The following CRTAC1 variants were observed in gnomAD, a reference collection of about 807,000 sequenced individuals.
CRTAC1 encodes cartilage acidic protein 1.
In CRTAC1, 37 loss-of-function variants were observed where a neutral mutation model predicts 67.8. The ratio of observed to expected loss-of-function variants is 0.55; its 90% CI spans 0.42 to 0.72. The LOEUF is 0.72. Ranked by LOEUF, CRTAC1 falls within the 30% of genes least tolerant of loss-of-function variation. CRTAC1 has a pLI of 0.00. For synonymous variants in CRTAC1, 348 were observed against 371.0 expected, an observed-to-expected ratio of 0.94 and a Z score of 0.71; for missense variants, 780 against 931.6, an observed-to-expected ratio of 0.84 and a Z score of 2.12.
At chr10:98,018,222 AAAAAAAAAAAG>A (rs1308106609) in intron 1 of CRTAC1, among the ~76,000 whole-genome samples, 1 of 131,738 alleles carries the variant, frequency 7.6e-6, no homozygotes, top group African/African-American at 2.6e-5. Context: ...AAAAAAAAAA[AAAAAAAAAAAG>A]AGAGAGAGAG....
chr10:98,022,698 G>A (rs533329547), intron 1 of CRTAC1, among the ~76,000 whole-genome samples: 7 of 152,272 alleles, frequency 4.6e-5, no homozygotes, highest in African/African-American at 1.7e-4. Context: ...TGGAGAGCCT[G>A]CTATGCCACG....
chr10:97,941,565 C>G (rs1157962431), intron 2 of CRTAC1, among the ~76,000 whole-genome samples: 1 of 152,156 alleles, frequency 6.6e-6, no homozygotes, highest in Non-Finnish European at 1.5e-5. Flanking sequence ...TCCACCCCTC[C>G]CTCCCACAAA....
intron 11 of CRTAC1, among the ~76,000 whole-genome samples, chr10:97,885,660 G>A (rs370861154): frequency 3.5e-4 from 54 of 152,324 alleles, no homozygotes; most frequent in African/African-American, 1.1e-3. Context: ...GGAGGCGGGG[G>A]CTGGGCCTCA....
Position 97,884,200 on chromosome 10 carries a change from G to C in CRTAC1, c.1632+6C>G. The C allele has an allele frequency of 6.4e-7, 1 of 1,563,628 alleles. No individual in the cohort carries two copies. Among genetic ancestry groups the C allele is most frequent in the Non-Finnish European group, 8.7e-7 (1 of 1,153,276 alleles). ...CTGGCTATGAGGCCCAGATGCCTTTGCCCACCTCCAGTGGGGCTGGGTCCT... is the reference window on the plus strand; with the variant it reads ...CTGGCTATGAGGCCCAGATGCCTTTCCCCACCTCCAGTGGGGCTGGGTCCT... On this transcript the variant is annotated splice_donor_region_variant and intron_variant, in intron 12 of 14. Coordinates refer to ENST00000370597, the MANE Select transcript of CRTAC1 (RefSeq NM_018058.7).
intron 4 of CRTAC1, among the ~76,000 whole-genome samples, chr10:97,922,478 C>T (rs2050855265): frequency 6.6e-6 from 1 of 152,176 alleles, no homozygotes; most frequent in African/African-American, 2.4e-5. Context: ...CAGCTGGGCC[C>T]CTGATTTAGT....
chr10:97,950,246 C>CACAGAGAGAGAGAG lies in CRTAC1; in HGVS notation c.225-13881_225-13880insCTCTCTCTCTCTGT, dbSNP rs1447953866. ...TTGCATGTACGTGCACACACACACA[C>CACAGAGAGAGAGAG]AGAGAGAGAGAGAGAGAGAGAGAGA... On this transcript the variant is annotated intron_variant, in intron 2 of 14. Coordinates refer to ENST00000370597, the MANE Select transcript of CRTAC1 (RefSeq NM_018058.7). 5.3e-5 allele frequency among the ~76,000 whole-genome samples: 6 copies of CACAGAGAGAGAGAG among 113,424 alleles called. 1 individual carries two copies. Among genetic ancestry groups the CACAGAGAGAGAGAG allele is most frequent in the South Asian group, 6.5e-4 (2 of 3,094 alleles). The allele number at this position is 113,424 out of a possible 152,430, so 74.4% of individuals were successfully genotyped here.
chr10:98,014,134 T>C (rs969763327), intron 1 of CRTAC1, among the ~76,000 whole-genome samples: 1 of 152,152 alleles, frequency 6.6e-6, no homozygotes, highest in Non-Finnish European at 1.5e-5. Context: ...TTTACCCTCT[T>C]TTTGGGGGGT....
chr10:97,954,413 G>A (rs75524059), intron 2 of CRTAC1, among the ~76,000 whole-genome samples: 1,870 of 152,238 alleles, frequency 0.012, 46 homozygotes, highest in African/African-American at 0.042. Flanking sequence ...TCACTGACTC[G>A]ACGTTGTGAT....
At chr10:97,936,665 T>C (rs2051094927) in intron 2 of CRTAC1, among the ~76,000 whole-genome samples, 1 of 152,246 alleles carries the variant, frequency 6.6e-6, no homozygotes, top group South Asian at 2.1e-4. Flanking sequence ...TCCCACAGGC[T>C]TCACTGAAGA....
chr10:97,948,320 G>A (rs2051296847), intron 2 of CRTAC1, among the ~76,000 whole-genome samples: 1 of 152,188 alleles, frequency 6.6e-6, no homozygotes, highest in African/African-American at 2.4e-5. Context: ...CAATTTGGAA[G>A]CCACTGATAA....
chr10:97,909,084 A>G (rs375969421), intron 5 of CRTAC1, among the ~76,000 whole-genome samples: 1 of 152,212 alleles, frequency 6.6e-6, no homozygotes, highest in South Asian at 2.1e-4. Context: ...AATAAAGTAT[A>G]TATGTTTTTT....
chr10:97,979,919 A>T (rs902001457), intron 2 of CRTAC1, among the ~76,000 whole-genome samples: 1 of 152,148 alleles, frequency 6.6e-6, no homozygotes, highest in African/African-American at 2.4e-5. Flanking sequence ...AAAACTACCA[A>T]TTCCCAGGTT....
At chr10:97,932,988 C>T (rs2051024302) in intron 3 of CRTAC1, among the ~76,000 whole-genome samples, 1 of 152,238 alleles carries the variant, frequency 6.6e-6, no homozygotes, top group Non-Finnish European at 1.5e-5. Context: ...ATCCCAAAGG[C>T]TGGCCAAGGG....
At chr10:97,905,073 T>TG (rs1474446878) in intron 6 of CRTAC1, among the ~76,000 whole-genome samples, 2 of 149,404 alleles carry the variant, frequency 1.3e-5, no homozygotes, top group Non-Finnish European at 3.0e-5. Flanking sequence ...TTACCCTGTT[T>TG]GGGGGGTGGC....
chr10:97,881,391 C>T (rs2050212330), intron 13 of CRTAC1, among the ~76,000 whole-genome samples: 1 of 152,226 alleles, frequency 6.6e-6, no homozygotes, highest in Admixed American at 6.5e-5. Context: ...CCGAGGCCCT[C>T]CCTGACCACT....
chr10:98,002,640 T>G (rs570134933), intron 2 of CRTAC1, among the ~76,000 whole-genome samples: 1 of 151,916 alleles, frequency 6.6e-6, no homozygotes, highest in Non-Finnish European at 1.5e-5. Context: ...AGCTCCGAAT[T>G]CCCTCTCTCC....
chr10:97,919,275 A>G (rs2050802999), intron 4 of CRTAC1, among the ~76,000 whole-genome samples: 1 of 152,172 alleles, frequency 6.6e-6, no homozygotes, highest in African/African-American at 2.4e-5. Flanking sequence ...TCCTGGGCAC[A>G]CAGAAGAGGA....
intron 2 of CRTAC1, among the ~76,000 whole-genome samples, chr10:97,995,181 A>G (rs948101390): frequency 6.6e-6 from 1 of 152,204 alleles, no homozygotes; most frequent in Non-Finnish European, 1.5e-5. Context: ...CTGTGAACAG[A>G]TTCTGATTTT....
chr10:97,923,700 T>C (rs1248303172), intron 3 of CRTAC1, among the ~76,000 whole-genome samples: 1 of 152,146 alleles, frequency 6.6e-6, no homozygotes, highest in East Asian at 1.9e-4. Context: ...CTGGATTTCA[T>C]GCCCTGCCCC....
Sources: gnomAD v4.1 joint callset for allele counts (sites outside exome capture counted in the v4.1 genomes callset) on GRCh38, gnomAD v4.1.1 for gene constraint, MANE v1.5 for transcripts, NCBI Gene and HGNC (gene_info 2026-07-23, HGNC 2026-07-21) for gene names.